The following PCDHA9 variants were observed in gnomAD, a reference collection of about 807,000 sequenced individuals.
The protein encoded by PCDHA9 is protocadherin alpha 9, also known as protocadherin alpha-9.
A neutral mutation model predicts 62.0 loss-of-function variants in PCDHA9; 62 were observed. The observed-to-expected ratio is 1.00, with a 90% CI of 0.81 to 1.23. The LOEUF is 1.23. Among genes scored for constraint, PCDHA9 ranks in the 50% most tolerant of loss-of-function variants. The pLI, the probability that PCDHA9 is intolerant of heterozygous loss-of-function variation, is 0.00. For synonymous variants in PCDHA9, 557 were observed against 567.6 expected, an observed-to-expected ratio of 0.98 and a Z score of 0.27; for missense variants, 1,205 against 1,249.8, an observed-to-expected ratio of 0.96 and a Z score of 0.54.
intron 1 of PCDHA9, among the ~76,000 whole-genome samples, chr5:140,874,462 A>G (rs1471984599): frequency 7.2e-5 from 11 of 152,228 alleles, no homozygotes; most frequent in African/African-American, 2.7e-4. Flanking sequence ...CTGTAGGGGA[A>G]GATTTAGAGA....
intron 1 of PCDHA9, chr5:140,868,976 T>C: frequency 6.7e-7 from 1 of 1,481,558 alleles, no homozygotes; most frequent in Non-Finnish European, 9.0e-7. Context: ...AACTCCATCA[T>C]ACCGGATGCC....
At chr5:140,893,381 A>G (rs755671273) in intron 1 of PCDHA9, among the ~76,000 whole-genome samples, 11 of 152,190 alleles carry the variant, frequency 7.2e-5, no homozygotes, top group Non-Finnish European at 1.6e-4. Context: ...TTTATGGGAC[A>G]GTGGCTCATG....
chr5:140,883,397 C>A, intron 1 of PCDHA9: 1 of 1,614,170 alleles, frequency 6.2e-7, no homozygotes. Flanking sequence ...TGTGTCCGAT[C>A]GTGACTCTGG....
At chr5:140,897,785 A>G (rs1246213890) in intron 1 of PCDHA9, among the ~76,000 whole-genome samples, 1 of 152,148 alleles carries the variant, frequency 6.6e-6, no homozygotes, top group Non-Finnish European at 1.5e-5. Context: ...CAATGGTTGA[A>G]CTAGTTTAGA....
At position 140,857,968 on chromosome 5, in the gene PCDHA9, C is replaced by T. The variant is rs782482021; in HGVS notation, c.2394+7079C>T. The T allele has an allele frequency of 5.8e-5, 93 of 1,597,052 alleles. 13 individuals are homozygous for T. The Middle Eastern group carries it at 6.7e-4, about 11-fold the overall frequency. ...CGACGCGCGCTCTGGATGAGACTGA[C>T]TCGCCACGCCAGCGCCTACTGGTGC... On this transcript the variant is annotated intron_variant, in intron 1 of 3. Coordinates refer to ENST00000532602, the MANE Select transcript of PCDHA9 (RefSeq NM_031857.2).
chr5:140,876,953 T>G (rs1455444799), intron 1 of PCDHA9: 6 of 1,613,306 alleles, frequency 3.7e-6, no homozygotes, highest in African/African-American at 1.3e-5. Flanking sequence ...TCCTACTCGC[T>G]GGTGGAGCGG....
intron 1 of PCDHA9, among the ~76,000 whole-genome samples, chr5:140,891,916 G>T (rs1336108155): frequency 6.6e-6 from 1 of 152,170 alleles, no homozygotes; most frequent in Non-Finnish European, 1.5e-5. Context: ...ACCAGATGCT[G>T]GTGCCTTGAT....
At position 140,849,155 on chromosome 5, in the gene PCDHA9, C is replaced by G. The variant is rs1169680334; in HGVS notation, c.660C>G (p.Pro220=). The change falls in exon 1 of 4, where the codon CCC becomes CCG. Residue 220 remains proline (P), a synonymous_variant. Transcript: ENST00000532602. The part of the protein sequence containing the change: ...LLLTATDGGK[P]ELTGTVQLLI... Reference sequence around the variant, plus strand: ...TCACGGCCACCGATGGAGGCAAACCCGAGCTGACTGGCACCGTTCAATTAC... The same window carrying G: ...TCACGGCCACCGATGGAGGCAAACCGGAGCTGACTGGCACCGTTCAATTAC... 5 of 1,223,436 alleles carry G rather than the reference C, an allele frequency of 4.1e-6. No homozygotes were observed. Among genetic ancestry groups the G allele is most frequent in the Non-Finnish European group, 4.5e-6 (4 of 887,580 alleles). The allele number at this position is 1,223,436 out of a possible 1,614,324, so 75.8% of individuals were successfully genotyped here.
Position 140,988,605 on chromosome 5 carries a change from A to G in PCDHA9, c.2542+6042A>G, listed in dbSNP as rs558232011. Among the ~76,000 whole-genome samples, 7 of 152,332 alleles carry G rather than the reference A, an allele frequency of 4.6e-5. No homozygotes were observed. In the East Asian group the frequency reaches 1.2e-3, roughly 25 times the overall value. On this transcript the variant is annotated intron_variant, in intron 3 of 3. Coordinates refer to ENST00000532602, the MANE Select transcript of PCDHA9 (RefSeq NM_031857.2). ...TTCCACTTTTAATGGTCATGTAAAT[A>G]AAAGACTAGAATGGAGATGTCCTGG...
At chr5:140,995,548 C>T (rs1554254718) in intron 3 of PCDHA9, among the ~76,000 whole-genome samples, 2 of 152,200 alleles carry the variant, frequency 1.3e-5, no homozygotes, top group Non-Finnish European at 2.9e-5. Context: ...GGGGCGATCA[C>T]TGTACTGAAT....
At chr5:140,870,424 T>C (rs782689834) in intron 1 of PCDHA9, 6 of 1,614,156 alleles carry the variant, frequency 3.7e-6, no homozygotes, top group Non-Finnish European at 5.1e-6. Flanking sequence ...GGCCAGGGTA[T>C]CCGTGGAGGT....
In PCDHA9 at chr5:140,849,959, C is replaced by A. The variant is rs527334652; in HGVS notation, c.1464C>A (p.Ala488=). ...SARDADAQEN[A]LVSYSLVERR... ...GGGACGCTGACGCGCAGGAGAACGC[C>A]CTGGTGTCCTACTCGCTGGTGGAGC... is the stretch of plus-strand genomic sequence containing the variant. The change falls in exon 1 of 4, where the codon GCC becomes GCA. Residue 488 remains alanine (A), a synonymous_variant. Transcript: ENST00000532602. 1 of 1,597,764 alleles carries A rather than the reference C, an allele frequency of 6.3e-7. No individual in the cohort carries two copies. Among genetic ancestry groups the A allele is most frequent in the African/African-American group, 1.3e-5 (1 of 74,422 alleles).
At chr5:140,871,709 C>A in intron 1 of PCDHA9, 6 of 829,698 alleles carry the variant, frequency 7.2e-6, no homozygotes, top group Non-Finnish European at 1.1e-5. Flanking sequence ...CAATAAATGT[C>A]CTATTTCTCT....
At chr5:140,919,518 T>C (rs1027780107) in intron 1 of PCDHA9, among the ~76,000 whole-genome samples, 1 of 152,194 alleles carries the variant, frequency 6.6e-6, no homozygotes. Context: ...TATGTTTTAA[T>C]TCTCTTTTTT....
At chr5:140,882,076 G>T in intron 1 of PCDHA9, 1 of 920,546 alleles carries the variant, frequency 1.1e-6, no homozygotes. Flanking sequence ...TGCGCATGGT[G>T]TCGCTCTTCA....
At chr5:140,979,966 A>G (rs1029035910) in intron 2 of PCDHA9, among the ~76,000 whole-genome samples, 7 of 152,258 alleles carry the variant, frequency 4.6e-5, no homozygotes, top group Non-Finnish European at 7.3e-5. Context: ...TTAGCCCATT[A>G]AAATGCATTA....
intron 1 of PCDHA9, chr5:140,870,006 G>A (rs1554163702): frequency 1.2e-6 from 2 of 1,613,604 alleles, no homozygotes; most frequent in Non-Finnish European, 1.7e-6. Flanking sequence ...ATGGAGAAGT[G>A]AGGGTCAATG....
At chr5:140,889,387 C>G (rs1174974313) in intron 1 of PCDHA9, among the ~76,000 whole-genome samples, 1 of 151,966 alleles carries the variant, frequency 6.6e-6, no homozygotes, top group East Asian at 1.9e-4. Context: ...AAGGACCATT[C>G]AGAGTTTAAT....
At chr5:140,966,806 C>T in intron 1 of PCDHA9, 1 of 1,546,832 alleles carries the variant, frequency 6.5e-7, no homozygotes, top group Non-Finnish European at 8.7e-7. Context: ...GACAGAGCAT[C>T]CACGGCTCCG....
Sources: gnomAD v4.1 joint callset for allele counts (sites outside exome capture counted in the v4.1 genomes callset) on GRCh38, gnomAD v4.1.1 for gene constraint, MANE v1.5 for transcripts, NCBI Gene and HGNC (gene_info 2026-07-23, HGNC 2026-07-21) for gene names.